CCSER1: variants seen among roughly 807,000 people sequenced by gnomAD.
The protein encoded by CCSER1 is serine-rich coiled-coil domain-containing protein 1.
A neutral mutation model predicts 82.0 loss-of-function variants in CCSER1; 41 were observed. The observed-to-expected ratio is 0.50, with a 90% confidence interval of 0.39 to 0.65. CCSER1 has a LOEUF of 0.65. CCSER1 is among the 30% of genes least tolerant of loss of function. CCSER1 has a pLI of 0.00. For synonymous variants in CCSER1, 414 were observed against 383.9 expected (o/e 1.08, Z -0.92); for missense variants, 1,119 against 1,064.2 (o/e 1.05, Z -0.72).
At chr4:90,410,387 C>G (rs901265825) in intron 4 of CCSER1, among the ~76,000 whole-genome samples, 2 of 152,114 alleles carry the variant, frequency 1.3e-5, no homozygotes, top group African/African-American at 4.8e-5. Context: ...GGAAGTAAAG[C>G]ACTCCTCAGC....
intron 10 of CCSER1, among the ~76,000 whole-genome samples, chr4:91,190,575 C>G: frequency 6.6e-6 from 1 of 152,022 alleles, no homozygotes; most frequent in East Asian, 1.9e-4. Context: ...ATTTTAAGGA[C>G]TTTAAAAAAG....
At chr4:91,338,605 A>T (rs1747480522) in intron 10 of CCSER1, among the ~76,000 whole-genome samples, 1 of 152,210 alleles carries the variant, frequency 6.6e-6, no homozygotes, top group South Asian at 2.1e-4. Context: ...TTAAAATAAG[A>T]TAAACAATAT....
chr4:91,335,580 C>T (rs1383133451), intron 10 of CCSER1, among the ~76,000 whole-genome samples: 4 of 151,974 alleles, frequency 2.6e-5, no homozygotes, highest in Non-Finnish European at 5.9e-5. Context: ...AAATTCTTTC[C>T]CTTTTCTGGA....
chr4:91,174,329 C>T (rs1733079099), intron 10 of CCSER1, among the ~76,000 whole-genome samples: 1 of 152,146 alleles, frequency 6.6e-6, no homozygotes, highest in East Asian at 1.9e-4. Flanking sequence ...ACATTTTTAA[C>T]ACCTCAGTAT....
chr4:91,243,443 G>A (rs1014323914), intron 10 of CCSER1, among the ~76,000 whole-genome samples: 1 of 152,188 alleles, frequency 6.6e-6, no homozygotes, highest in African/African-American at 2.4e-5. Flanking sequence ...CACAGCTAAG[G>A]GAGTGCTTGT....
At chr4:90,279,743 T>C (rs1482608821) in intron 1 of CCSER1, among the ~76,000 whole-genome samples, 2 of 152,032 alleles carry the variant, frequency 1.3e-5, no homozygotes, top group African/African-American at 2.4e-5. Flanking sequence ...ATGATTAGAA[T>C]TGTAATCCGT....
intron 9 of CCSER1, chr4:90,951,291 T>G (rs544318748): frequency 6.6e-6 from 1 of 152,120 alleles, no homozygotes; most frequent in East Asian, 1.9e-4. Flanking sequence ...GAAGAGGTAA[T>G]AAAATTTACT....
intron 4 of CCSER1, among the ~76,000 whole-genome samples, chr4:90,421,765 G>A (rs1401480698): frequency 6.6e-6 from 1 of 152,046 alleles, no homozygotes; most frequent in Non-Finnish European, 1.5e-5. Flanking sequence ...AGTGAGGGGA[G>A]GATTTTAACA....
chr4:90,907,097 A>T (rs1028152359), intron 8 of CCSER1, among the ~76,000 whole-genome samples: 1 of 152,156 alleles, frequency 6.6e-6, no homozygotes, highest in Admixed American at 6.6e-5. Flanking sequence ...GACCTACTGG[A>T]GTTGCTGACA....
At chr4:90,881,143 T>G (rs1465588440) in intron 8 of CCSER1, among the ~76,000 whole-genome samples, 2 of 152,190 alleles carry the variant, frequency 1.3e-5, no homozygotes, top group African/African-American at 2.4e-5. Flanking sequence ...GAAAACATCA[T>G]GTTTCTTAAA....
intron 10 of CCSER1, among the ~76,000 whole-genome samples, chr4:91,576,064 C>A (rs1173405049): frequency 1.3e-5 from 2 of 151,920 alleles, no homozygotes; most frequent in Non-Finnish European, 2.9e-5. Context: ...TCGTTCATTG[C>A]AGCATTATTC....
chr4:90,248,756 G>A (rs929133734), intron 1 of CCSER1, among the ~76,000 whole-genome samples: 4 of 149,826 alleles, frequency 2.7e-5, no homozygotes, highest in Non-Finnish European at 5.9e-5. Flanking sequence ...GGAGTGCAGT[G>A]GTGTGATCAC....
At chr4:90,665,590 G>A (rs929662289) in intron 6 of CCSER1, among the ~76,000 whole-genome samples, 2 of 152,070 alleles carry the variant, frequency 1.3e-5, no homozygotes, top group African/African-American at 4.8e-5. Context: ...CAAAGTGCTG[G>A]GATTACAGGT....
chr4:91,563,365 T>A (rs934212371), intron 10 of CCSER1, among the ~76,000 whole-genome samples: 2 of 151,670 alleles, frequency 1.3e-5, no homozygotes, highest in African/African-American at 4.8e-5. Context: ...CAAAGATGGT[T>A]CAACATACAC....
chr4:91,255,389 G>C (rs930977027), intron 10 of CCSER1, among the ~76,000 whole-genome samples: 11 of 151,884 alleles, frequency 7.2e-5, no homozygotes, highest in African/African-American at 2.4e-4. Context: ...TTATTATTGA[G>C]GGAATGTCAC....
chr4:90,827,727 G>A (rs1760642177), intron 8 of CCSER1, among the ~76,000 whole-genome samples: 1 of 152,106 alleles, frequency 6.6e-6, no homozygotes, highest in Non-Finnish European at 1.5e-5. Context: ...AAGCTGTGTA[G>A]GGGAGGGAAG....
At chr4:90,278,623 T>C (rs191670059) in intron 1 of CCSER1, among the ~76,000 whole-genome samples, 13 of 151,660 alleles carry the variant, frequency 8.6e-5, no homozygotes, top group African/African-American at 2.7e-4. Flanking sequence ...GAGTTTAACA[T>C]TGGGCACACA....
At chr4:91,006,253 C>A (rs570226502) in intron 9 of CCSER1, among the ~76,000 whole-genome samples, 1 of 151,118 alleles carries the variant, frequency 6.6e-6, no homozygotes, top group African/African-American at 2.4e-5. Flanking sequence ...TTATTCCTGG[C>A]GATATTTTTT....
chr4:90,471,745 C>A (rs997731303), intron 5 of CCSER1, among the ~76,000 whole-genome samples: 1 of 151,166 alleles, frequency 6.6e-6, no homozygotes, highest in Admixed American at 6.7e-5. Context: ...GAGGCCGAGG[C>A]GGGCGGATCA....
Sources: gnomAD v4.1 joint callset for allele counts (sites outside exome capture counted in the v4.1 genomes callset) on GRCh38, gnomAD v4.1.1 for gene constraint, MANE v1.5 for transcripts, NCBI Gene and HGNC (gene_info 2026-07-23, HGNC 2026-07-21) for gene names.